The following LRRC37A2 variants were observed in gnomAD, a reference collection of about 807,000 sequenced individuals.
LRRC37A2 encodes leucine rich repeat containing 37 member A2, also known as leucine-rich repeat-containing protein 37A2.
A neutral mutation model predicts 68.8 loss-of-function variants in LRRC37A2; 9 were observed. The ratio of observed to expected loss-of-function variants is 0.13; its 90% confidence interval spans 0.08 to 0.23. LRRC37A2 has a LOEUF of 0.23. Ranked by LOEUF, LRRC37A2 falls within the 10% of genes least tolerant of loss-of-function variation. The pLI is 1.00. For synonymous variants in LRRC37A2, 63 were observed against 367.6 expected, an observed-to-expected ratio of 0.17 and a Z score of 9.48; for missense variants, 168 against 950.4, an observed-to-expected ratio of 0.18 and a Z score of 10.82.
the LRRC37A2 span, among the ~76,000 whole-genome samples, chr17:46,786,117 A>G: frequency 8.2e-6 from 1 of 122,610 alleles, no homozygotes; most frequent in African/African-American, 3.2e-5. Context: ...GGAAAAAGGG[A>G]GGAGGGTGCG....
chr17:46,491,323 G>T, the LRRC37A2 span, among the ~76,000 whole-genome samples: 36 of 149,414 alleles, frequency 2.4e-4, 2 homozygotes, highest in Admixed American at 7.9e-4. Context: ...TCTGCTAGGG[G>T]ACTTCTAGTT....
At chr17:46,986,597 G>C in the LRRC37A2 span, among the ~76,000 whole-genome samples, 3 of 152,200 alleles carry the variant, frequency 2.0e-5, no homozygotes, top group African/African-American at 7.2e-5. Context: ...CACAACAAGG[G>C]AATGTAGCAA....
the LRRC37A2 span, among the ~76,000 whole-genome samples, chr17:46,985,531 A>G: frequency 6.6e-6 from 1 of 152,008 alleles, no homozygotes; most frequent in Non-Finnish European, 1.5e-5. Flanking sequence ...AAAAAAAAAA[A>G]AAAAGAAAAT....
chr17:46,558,816 A>G (rs1307451030), downstream of LRRC37A2: 3 of 129,930 alleles, frequency 2.3e-5, 1 homozygote, highest in Non-Finnish European at 4.8e-5. Flanking sequence ...AATCTCCCAG[A>G]AAAAGGGACC....
the LRRC37A2 span, among the ~76,000 whole-genome samples, chr17:46,984,862 C>T: frequency 1.3e-5 from 2 of 152,156 alleles, no homozygotes; most frequent in African/African-American, 2.4e-5. Flanking sequence ...TGTAAACCAC[C>T]CAGACACCTT....
the LRRC37A2 span, among the ~76,000 whole-genome samples, chr17:46,956,277 CTTTTTTTTTTTTT>C: frequency 2.7e-3 from 170 of 62,656 alleles, 1 homozygote; most frequent in Middle Eastern, 0.022. Context: ...CTTGCCAGTC[CTTTTTTTTTTTTT>C]TTTTTTTTTT....
the LRRC37A2 span, chr17:46,773,880 G>T: frequency 1.9e-6 from 3 of 1,612,312 alleles, no homozygotes; most frequent in African/African-American, 2.7e-5. Flanking sequence ...TGAGCCCAGA[G>T]ATGTGTACTG....
At chr17:46,830,987 T>C in the LRRC37A2 span, 2 of 387,042 alleles carry the variant, frequency 5.2e-6, no homozygotes, top group Non-Finnish European at 9.1e-6. Flanking sequence ...GAATGAAACC[T>C]CATTGTTGAA....
chr17:46,989,312 C>T, the LRRC37A2 span, among the ~76,000 whole-genome samples: 1 of 152,218 alleles, frequency 6.6e-6, no homozygotes, highest in Non-Finnish European at 1.5e-5. Flanking sequence ...CGGCGGGACA[C>T]AAGCACAAGG....
At chr17:47,030,153 T>C in the LRRC37A2 span, among the ~76,000 whole-genome samples, 1 of 137,204 alleles carries the variant, frequency 7.3e-6, no homozygotes, top group Non-Finnish European at 1.6e-5. Context: ...CCAGCTTCAC[T>C]ACAATTATGT....
chr17:47,001,394 C>T, the LRRC37A2 span, among the ~76,000 whole-genome samples: 17 of 26,836 alleles, frequency 6.3e-4, no homozygotes, highest in Middle Eastern at 0.022. Flanking sequence ...TCTGAATCTA[C>T]CAGATGCTGG....
At chr17:46,454,143 A>G in the LRRC37A2 span, among the ~76,000 whole-genome samples, 216 of 103,282 alleles carry the variant, frequency 2.1e-3, 64 homozygotes, top group African/African-American at 7.3e-3. Context: ...TCTTGTGTTT[A>G]TGTTGTTTTG....
chr17:46,526,747 C>T (rs1308395045), intron 6 of LRRC37A2, among the ~76,000 whole-genome samples: 2 of 103,890 alleles, frequency 1.9e-5, no homozygotes, highest in African/African-American at 3.7e-5. Context: ...CTGGCCCAAG[C>T]GCAGTAAAGT....
chr17:46,972,509 T>C, the LRRC37A2 span, among the ~76,000 whole-genome samples: 3 of 152,340 alleles, frequency 2.0e-5, no homozygotes, highest in South Asian at 4.1e-4. Context: ...GGAATTCAGG[T>C]TTGTCAGCCT....
chr17:46,862,593 G>GT, the LRRC37A2 span, among the ~76,000 whole-genome samples: 5 of 151,982 alleles, frequency 3.3e-5, no homozygotes, highest in Admixed American at 2.6e-4. Flanking sequence ...GTTTTGTTTT[G>GT]TTTTTTTGAG....
the LRRC37A2 span, among the ~76,000 whole-genome samples, chr17:46,799,673 C>G: frequency 6.6e-6 from 1 of 152,160 alleles, no homozygotes. Context: ...GTCTCGAACT[C>G]CTGACCTCAA....
the LRRC37A2 span, among the ~76,000 whole-genome samples, chr17:46,994,950 C>T: frequency 3.9e-5 from 6 of 152,242 alleles, no homozygotes; most frequent in East Asian, 1.9e-4. Context: ...GGTGAAACCT[C>T]GTCTCTACTA....
the LRRC37A2 span, among the ~76,000 whole-genome samples, chr17:46,491,809 TTAAGA>T: frequency 6.9e-6 from 1 of 145,978 alleles, no homozygotes; most frequent in South Asian, 2.1e-4. Flanking sequence ...TTAGCATCTT[TTAAGA>T]TGATCATATA....
chr17:46,914,871 A>G, the LRRC37A2 span, among the ~76,000 whole-genome samples: 3 of 152,134 alleles, frequency 2.0e-5, no homozygotes, highest in Admixed American at 2.0e-4. Context: ...TTCCTTTGTC[A>G]TAATAATTCA....
Sources: gnomAD v4.1 joint callset for allele counts (sites outside exome capture counted in the v4.1 genomes callset) on GRCh38, gnomAD v4.1.1 for gene constraint, MANE v1.5 for transcripts, NCBI Gene and HGNC (gene_info 2026-07-23, HGNC 2026-07-21) for gene names.